Variants in UBA2 observed in about 807,000 individuals in gnomAD.
UBA2 encodes SUMO-activating enzyme subunit 2.
A neutral mutation model predicts 77.2 loss-of-function variants in UBA2; 11 were observed. That is an observed-to-expected ratio of 0.14 (90% confidence interval 0.09 to 0.24). UBA2 has a LOEUF of 0.24. UBA2 is among the 10% of genes least tolerant of loss of function. The pLI, the probability that UBA2 is intolerant of heterozygous loss-of-function variation, is 1.00. For missense variants in UBA2, 487 were observed against 781.7 expected, an observed-to-expected ratio of 0.62 and a Z score of 4.50; for synonymous variants, 278 against 276.7, an observed-to-expected ratio of 1.00 and a Z score of -0.05.
intron 15 of UBA2, among the ~76,000 whole-genome samples, chr19:34,466,357 T>C (rs1441132275): frequency 1.3e-5 from 2 of 152,086 alleles, no homozygotes; most frequent in Non-Finnish European, 2.9e-5. Context: ...AAAGATCACA[T>C]TGTAAGTAGA....
chr19:34,452,127 G>A lies in UBA2; in HGVS notation c.1018G>A (p.Ala340Thr), dbSNP rs763503142. 1.9e-6 allele frequency: 3 copies of A among 1,606,862 alleles called. No individual in the cohort carries two copies. The highest frequency in any genetic ancestry group is 2.7e-5 in the African/African-American group (2 of 74,772). ...RVHLAEKGDG[A>T]ELIWDKDDPS... ...TCATTTAGCAGAAAAGGGGGATGGA[G>A]CTGAGCTCATATGGGATAAGGTTCG... is the stretch of plus-strand genomic sequence containing the variant. The change falls in exon 10 of 17, where the codon GCT (alanine) becomes ACT (threonine). Residue 340 changes from alanine to threonine, a missense_variant. Physicochemically the swap from Ala to Thr is moderately conservative, Grantham distance 58. Coordinates refer to ENST00000246548, the MANE Select transcript of UBA2 (RefSeq NM_005499.3).
chr19:34,445,808 T>G (rs1461069846), intron 8 of UBA2, among the ~76,000 whole-genome samples: 2 of 152,198 alleles, frequency 1.3e-5, no homozygotes, highest in Non-Finnish European at 2.9e-5. Context: ...TAAATTGCCC[T>G]TGAACCCCAT....
chr19:34,466,629 C>T (rs1338352139), intron 15 of UBA2, among the ~76,000 whole-genome samples: 1 of 152,058 alleles, frequency 6.6e-6, no homozygotes, highest in Non-Finnish European at 1.5e-5. Flanking sequence ...ATGGTTGGCT[C>T]ACGCCTGTAA....
chr19:34,453,702 G>T (rs1480984814), intron 10 of UBA2, among the ~76,000 whole-genome samples: 2 of 151,716 alleles, frequency 1.3e-5, no homozygotes, highest in Admixed American at 1.3e-4. Flanking sequence ...AATTTTTTGT[G>T]TTTTTGGTGG....
chr19:34,430,504 G>T, intron 1 of UBA2, 72 bp from the exon 2 acceptor site: 12 of 1,132,644 alleles, frequency 1.1e-5, no homozygotes, highest in Non-Finnish European at 1.6e-5. Context: ...TGGATTACAG[G>T]TGCTGAGAGT....
Position 34,428,477 on chromosome 19 carries a change from G to T in UBA2, c.45G>T (p.Val15=), listed in dbSNP as rs1452837146. 1.6e-5 allele frequency: 21 copies of T among 1,291,752 alleles called. No homozygotes were observed. The highest frequency in any genetic ancestry group is 2.1e-5 in the Non-Finnish European group (21 of 1,014,192). 80.0% of individuals were successfully genotyped at this position (1,291,752 alleles called of 1,614,324 possible). The change falls in exon 1 of 17, where the codon GTG becomes GTT. Residue 15 remains valine (V), a synonymous_variant. Coordinates refer to ENST00000246548, the MANE Select transcript of UBA2 (RefSeq NM_005499.3). ...RGLPRELAEA[V]AGGRVLVVGA... ...TGCCCCGGGAGCTGGCTGAGGCGGT[G>T]GCCGGGGGCCGGGTGCTGGTGGTGG... is the stretch of plus-strand genomic sequence containing the variant.
intron 9 of UBA2, among the ~76,000 whole-genome samples, chr19:34,450,854 C>T (rs1316647310): frequency 6.6e-6 from 1 of 151,384 alleles, no homozygotes; most frequent in Non-Finnish European, 1.5e-5. Flanking sequence ...ATTCTCCCGC[C>T]TCAGCCTCCC....
At chr19:34,449,065 CTTTTTTTTTTTTTT>C (rs11332668) in intron 8 of UBA2, among the ~76,000 whole-genome samples, 7 of 73,818 alleles carry the variant, frequency 9.5e-5, no homozygotes, top group African/African-American at 3.8e-4. Context: ...AAATATAAAT[CTTTTTTTTTTTTTT>C]TTTTTTTTTG....
intron 12 of UBA2, among the ~76,000 whole-genome samples, chr19:34,456,100 C>CTTTTCTTTTTTTTTTTTTTTTTTTTT (rs2075557152): frequency 3.6e-5 from 2 of 55,782 alleles, no homozygotes; most frequent in African/African-American, 7.2e-5. Flanking sequence ...TTTTCCTTTT[C>CTTTTCTTTTTTTTTTTTTTTTTTTTT]TTTTTCTTTT....
chr19:34,462,271 A>C (rs538304055), intron 14 of UBA2, among the ~76,000 whole-genome samples: 1 of 152,274 alleles, frequency 6.6e-6, no homozygotes, highest in South Asian at 2.1e-4. Flanking sequence ...GATAGATTTG[A>C]GATTTGCAAA....
chr19:34,444,189 C>T (rs2075403165), intron 7 of UBA2, among the ~76,000 whole-genome samples: 1 of 151,076 alleles, frequency 6.6e-6, no homozygotes, highest in African/African-American at 2.4e-5. Flanking sequence ...TCCTGAGTAG[C>T]TGGGATTACA....
Position 34,450,190 on chromosome 19 carries a change from A to G in UBA2, c.772-75A>G, listed in dbSNP as rs1046128738. 5 of 985,764 alleles carry G rather than the reference A, an allele frequency of 5.1e-6. No homozygotes were observed. The African/African-American group carries it at 8.2e-5, about 16-fold the overall frequency. The allele number at this position is 985,764 out of a possible 1,614,324, so 61.1% of individuals were successfully genotyped here. ...AATCAGATTTCATAGTGTAATATAG[A>G]TCAGCAATGACGTTTTCTTGTATCT... is the stretch of plus-strand genomic sequence containing the variant. On this transcript the variant is annotated intron_variant, in intron 8 of 16. Transcript: ENST00000246548.
intron 8 of UBA2, among the ~76,000 whole-genome samples, chr19:34,449,786 A>C (rs2075472720): frequency 6.6e-6 from 1 of 152,166 alleles, no homozygotes; most frequent in African/African-American, 2.4e-5. Context: ...GCAGTTCAGA[A>C]GTTCTGTTGT....
chr19:34,470,019 C>G lies in UBA2; in HGVS notation c.*798C>G, dbSNP rs949601143. ...CCTGTAATCCCAGCACTTTGGAAGG[C>G]TGAGGCAGGTGGATCACCTGAGGTC... On this transcript the variant is annotated 3_prime_UTR_variant, in exon 17 of 17. Coordinates refer to ENST00000246548, the MANE Select transcript of UBA2 (RefSeq NM_005499.3). 2.0e-5 allele frequency: 3 copies of G among 151,400 alleles called. No individual in the cohort carries two copies. The highest frequency in any genetic ancestry group is 6.6e-5 in the Admixed American group (1 of 15,144). 9.4% of individuals were successfully genotyped at this position (151,400 alleles called of 1,614,324 possible). A position where few individuals can be genotyped will look rare whatever the true frequency, so the allele number is the denominator to read the frequency against.
At chr19:34,439,814 T>C (rs1462352152) in intron 6 of UBA2, among the ~76,000 whole-genome samples, 1 of 151,800 alleles carries the variant, frequency 6.6e-6, no homozygotes, top group East Asian at 1.9e-4. Context: ...TGAGATCCTG[T>C]CTTAAAATGA....
chr19:34,454,340 A>T lies in UBA2; in HGVS notation c.1119A>T (p.Arg373Ser). Reference sequence around the variant, plus strand: ...TTTTCAGTATGAATATGAAGAGTAGATTTGATATCAAATGTAAGTTATTTG... The same window carrying T: ...TTTTCAGTATGAATATGAAGAGTAGTTTTGATATCAAATGTAAGTTATTTG... Reference protein sequence around the residue: ...MHIFSMNMKSRFDIKSMAGNI... With the variant: ...MHIFSMNMKSSFDIKSMAGNI... The change falls in exon 11 of 17, where the codon AGA (arginine) becomes AGT (serine). Residue 373 changes from arginine to serine, a missense_variant. By Grantham distance (110) the Arg-to-Ser change is moderately radical. Coordinates refer to ENST00000246548, the MANE Select transcript of UBA2 (RefSeq NM_005499.3). 1 of 1,610,950 alleles carries T rather than the reference A, an allele frequency of 6.2e-7. No individual in the cohort carries two copies. Among genetic ancestry groups the T allele is most frequent in the Non-Finnish European group, 8.5e-7 (1 of 1,179,010 alleles).
intron 13 of UBA2, among the ~76,000 whole-genome samples, chr19:34,459,531 A>C (rs1282388770): frequency 2.0e-5 from 3 of 152,142 alleles, no homozygotes; most frequent in African/African-American, 7.2e-5. Flanking sequence ...GACATAGGGC[A>C]TTTGCACACC....
At position 34,464,006 on chromosome 19, in the gene UBA2, A is replaced by G. The variant is rs755666249; in HGVS notation, c.1499-20A>G. On this transcript the variant is annotated intron_variant, in intron 14 of 16. Coordinates refer to ENST00000246548, the MANE Select transcript of UBA2 (RefSeq NM_005499.3). ...CTATGAAGATGTAACTGAAGTATCT[A>G]AATTATTCACGTTTCCTAGCTAATA... The G allele has an allele frequency of 2.0e-6, 3 of 1,536,494 alleles. No individual in the cohort carries two copies. In the African/African-American group the frequency reaches 4.1e-5, roughly 21 times the overall value.
At chr19:34,442,925 C>T (rs1249696789) in intron 6 of UBA2, among the ~76,000 whole-genome samples, 1 of 152,054 alleles carries the variant, frequency 6.6e-6, no homozygotes, top group Non-Finnish European at 1.5e-5. Context: ...GGGGGTTGTA[C>T]AAAGGATTTC....
Sources: allele counts gnomAD v4.1 joint callset (sites outside exome capture counted in the v4.1 genomes callset), GRCh38; gene constraint gnomAD v4.1.1; transcripts MANE v1.5; gene names NCBI Gene and HGNC (gene_info 2026-07-23, HGNC 2026-07-21).